Variants in C6orf89 observed in about 807,000 individuals in gnomAD.
C6orf89 encodes the protein chromosome 6 open reading frame 89, also known as bombesin receptor-activated protein C6orf89.
In C6orf89, 29 loss-of-function variants were observed where a neutral mutation model predicts 40.7. The ratio of observed to expected loss-of-function variants is 0.71; its 90% CI spans 0.53 to 0.97. The LOEUF (loss-of-function observed/expected upper bound fraction) is 0.97, where lower values mean the gene tolerates loss of function less well. Ranked by LOEUF, C6orf89 falls within the 50% of genes least tolerant of loss-of-function variation. The pLI, the probability that C6orf89 is intolerant of heterozygous loss-of-function variation, is 0.00. For synonymous variants in C6orf89, 165 were observed against 152.2 expected, an observed-to-expected ratio of 1.08 and a Z score of -0.62; for missense variants, 392 against 429.1, an observed-to-expected ratio of 0.91 and a Z score of 0.76.
intron 2 of C6orf89, among the ~76,000 whole-genome samples, chr6:36,896,785 G>A (rs1034230567): frequency 1.3e-5 from 2 of 152,018 alleles, no homozygotes; most frequent in African/African-American, 4.8e-5. Flanking sequence ...TATCATTTTA[G>A]CTTATAAATT....
At chr6:36,917,341 T>C (rs951761997) in intron 7 of C6orf89, among the ~76,000 whole-genome samples, 1 of 152,180 alleles carries the variant, frequency 6.6e-6, no homozygotes, top group Admixed American at 6.5e-5. Context: ...CCCACTTCAG[T>C]CTGGGGCCAA....
chr6:36,890,198 A>G (rs1223820890), intron 1 of C6orf89, among the ~76,000 whole-genome samples: 1 of 152,210 alleles, frequency 6.6e-6, no homozygotes, highest in Admixed American at 6.5e-5. Context: ...TAAATATACA[A>G]TACAGTATTG....
chr6:36,914,530 T>A, intron 5 of C6orf89, 24 bp from the exon 6 acceptor site: 1 of 1,613,242 alleles, frequency 6.2e-7, no homozygotes, highest in Non-Finnish European at 8.5e-7. Flanking sequence ...TGTGTTGTTT[T>A]GTTTTGTTTC....
rs1006222436 is a variant in C6orf89, at chr6:36,925,371, G to GT, written c.*1933dup. 6.6e-6 allele frequency: 1 copy of GT among 152,124 alleles called. No individual in the cohort carries two copies. Among genetic ancestry groups the GT allele is most frequent in the African/African-American group, 2.4e-5 (1 of 41,402 alleles). The allele number at this position is 152,124 out of a possible 1,614,324, so 9.4% of individuals were successfully genotyped here. ...TTTTGATTACTGAGATCTCTGTTTTGTTTCTGTGAGTTACTCTGTATTCCT... is the reference window on the plus strand; with the variant it reads ...TTTTGATTACTGAGATCTCTGTTTTGTTTTCTGTGAGTTACTCTGTATTCCT... On this transcript the variant is annotated 3_prime_UTR_variant, in exon 9 of 9. Transcript: ENST00000480824.
chr6:36,908,584 A>AAT (rs1472923606), intron 4 of C6orf89, among the ~76,000 whole-genome samples: 15 of 152,186 alleles, frequency 9.9e-5, no homozygotes, highest in Non-Finnish European at 2.2e-4. Context: ...AGATATACTT[A>AAT]ATATATATAA....
chr6:36,914,480 AG>A (rs761376232), intron 5 of C6orf89, 45 bp downstream of exon 5: 1 of 1,612,890 alleles, frequency 6.2e-7, no homozygotes, highest in Non-Finnish European at 8.5e-7. Context: ...GCTTGCTTAA[AG>A]GCTAGGTCAA....
At chr6:36,895,524 C>G (rs1761390428) in intron 2 of C6orf89, among the ~76,000 whole-genome samples, 1 of 152,096 alleles carries the variant, frequency 6.6e-6, no homozygotes. Context: ...CTATTCCTTG[C>G]AGGTTTGTTA....
intron 1 of C6orf89, among the ~76,000 whole-genome samples, chr6:36,889,576 C>T (rs80055332): frequency 4.1e-4 from 39 of 94,622 alleles, no homozygotes; most frequent in African/African-American, 1.7e-3. Context: ...GACCAAAAAA[C>T]AAAAACAAAA....
chr6:36,904,294 T>C (rs1022696), intron 4 of C6orf89, among the ~76,000 whole-genome samples: 37,875 of 152,232 alleles, frequency 0.25, 5,007 homozygotes, highest in African/African-American at 0.31. Flanking sequence ...GTAAACAAGC[T>C]GGATTATTTG....
At chr6:36,901,492 A>C in intron 3 of C6orf89, among the ~76,000 whole-genome samples, 1 of 140,226 alleles carries the variant, frequency 7.1e-6, no homozygotes, top group Non-Finnish European at 1.5e-5. Context: ...CCATCACCAC[A>C]TCCGGCTAAT....
intron 1 of C6orf89, among the ~76,000 whole-genome samples, chr6:36,872,582 T>C (rs1324240013): frequency 1.3e-5 from 2 of 151,852 alleles, no homozygotes; most frequent in Admixed American, 1.3e-4. Context: ...CTCCAGCACA[T>C]ACCTAGACTT....
At chr6:36,915,568 C>G (rs1234861581) in intron 6 of C6orf89, among the ~76,000 whole-genome samples, 3 of 151,886 alleles carry the variant, frequency 2.0e-5, no homozygotes, top group Non-Finnish European at 4.4e-5. Flanking sequence ...ATAGGGAGAC[C>G]CCATCTCTAC....
At position 36,923,773 on chromosome 6, in the gene C6orf89, A is replaced by C. The variant is rs1326196621; in HGVS notation, c.*332A>C. On this transcript the variant is annotated 3_prime_UTR_variant, in exon 9 of 9. Coordinates refer to ENST00000480824, the MANE Select transcript of C6orf89 (RefSeq NM_001286635.2). ...GGAAACAGGGCTGGTGCCTTTCTTC[A>C]CCTGCATGGCCAGCTTCCTTCCCTG... 8.3e-6 allele frequency: 3 copies of C among 360,516 alleles called. No individual in the cohort carries two copies. The highest frequency in any genetic ancestry group is 1.6e-5 in the Non-Finnish European group (3 of 184,714). The allele number at this position is 360,516 out of a possible 1,614,324, so 22.3% of individuals were successfully genotyped here. A position where few individuals can be genotyped will look rare whatever the true frequency, so the allele number is the denominator to read the frequency against.
rs1173143129 is a variant in C6orf89, at chr6:36,907,456, G to A, written c.403+5022G>A. ...CAGGAAGCTCCCTGATGGGTGAGACGCTGGCCCATCCATTTTTCTGCCCAG... is the reference window on the plus strand; with the variant it reads ...CAGGAAGCTCCCTGATGGGTGAGACACTGGCCCATCCATTTTTCTGCCCAG... On this transcript the variant is annotated intron_variant, in intron 4 of 8. Coordinates refer to ENST00000480824, the MANE Select transcript of C6orf89 (RefSeq NM_001286635.2). Among the ~76,000 whole-genome samples, 3 of 152,272 alleles carry A rather than the reference G, an allele frequency of 2.0e-5. No homozygotes were observed. In the East Asian group the frequency reaches 5.8e-4, roughly 29 times the overall value.
chr6:36,904,170 C>G (rs941625938), intron 4 of C6orf89, among the ~76,000 whole-genome samples: 24 of 152,194 alleles, frequency 1.6e-4, no homozygotes, highest in Admixed American at 1.3e-4. Context: ...CTTCCCCAGT[C>G]CTATAAAGTA....
At position 36,902,916 on chromosome 6, in the gene C6orf89, C is replaced by T. The variant is rs777753128; in HGVS notation, c.403+482C>T. ...CACTCTTTCAGTTTAGTCCTTCTGTCTGTCACAGCTCATTTAATTTAGTCC... is the reference window on the plus strand; with the variant it reads ...CACTCTTTCAGTTTAGTCCTTCTGTTTGTCACAGCTCATTTAATTTAGTCC... On this transcript the variant is annotated intron_variant, in intron 4 of 8. Transcript: ENST00000480824. 4.5e-4 allele frequency among the ~76,000 whole-genome samples: 68 copies of T among 152,314 alleles called. 1 individual carries two copies. The highest frequency in any genetic ancestry group is 2.1e-4 in the Non-Finnish European group (14 of 68,036).
chr6:36,890,304 C>T (rs1002250593), intron 1 of C6orf89, among the ~76,000 whole-genome samples: 1 of 152,096 alleles, frequency 6.6e-6, no homozygotes, highest in African/African-American at 2.4e-5. Flanking sequence ...CTCCCTGTTT[C>T]CCCCTGCCTG....
At chr6:36,892,431 T>C (rs1400807156) in intron 1 of C6orf89, among the ~76,000 whole-genome samples, 1 of 152,184 alleles carries the variant, frequency 6.6e-6, no homozygotes, top group Admixed American at 6.5e-5. Flanking sequence ...AGCCTCTAAC[T>C]TCTGGCCTCA....
At chr6:36,912,580 A>G (rs977683287) in intron 4 of C6orf89, among the ~76,000 whole-genome samples, 3 of 152,218 alleles carry the variant, frequency 2.0e-5, no homozygotes, top group African/African-American at 4.8e-5. Context: ...TCAGTGTGCC[A>G]CTGAAACAGG....
Sources: gnomAD v4.1 joint callset for allele counts (sites outside exome capture counted in the v4.1 genomes callset) on GRCh38, gnomAD v4.1.1 for gene constraint, MANE v1.5 for transcripts, NCBI Gene and HGNC (gene_info 2026-07-23, HGNC 2026-07-21) for gene names.